Variants in ADGRL2 observed in about 807,000 individuals in gnomAD.
ADGRL2 encodes the protein adhesion G protein-coupled receptor L2, also known as calcium-independent alpha-latrotoxin receptor 2.
ADGRL2 carries 44 observed loss-of-function variants against 157.4 expected under a neutral mutation model. The ratio of observed to expected loss-of-function variants is 0.28; its 90% CI spans 0.22 to 0.36. The LOEUF (loss-of-function observed/expected upper bound fraction) is 0.36, where lower values mean the gene tolerates loss of function less well. ADGRL2 is among the 10% of genes least tolerant of loss of function. The pLI, the probability that ADGRL2 is intolerant of heterozygous loss-of-function variation, is 1.00. For missense variants in ADGRL2, 1,510 were observed against 1,768.9 expected, an observed-to-expected ratio of 0.85 and a Z score of 2.63; for synonymous variants, 585 against 624.7, an observed-to-expected ratio of 0.94 and a Z score of 0.95.
chr1:81,883,046 T>C (rs1472794362), intron 2 of ADGRL2, among the ~76,000 whole-genome samples: 1 of 152,204 alleles, frequency 6.6e-6, no homozygotes, highest in Non-Finnish European at 1.5e-5. Flanking sequence ...CTGTTTACTC[T>C]TATTTAGAAT....
intron 3 of ADGRL2, among the ~76,000 whole-genome samples, chr1:81,601,322 T>A (rs568919549): frequency 6.6e-6 from 1 of 152,142 alleles, no homozygotes; most frequent in African/African-American, 2.4e-5. Flanking sequence ...TGCTGAAGTG[T>A]TTCTTCTACA....
chr1:81,970,154 T>C (rs972158850), intron 15 of ADGRL2, among the ~76,000 whole-genome samples, 160 bp from the exon 16 acceptor site: 5 of 152,182 alleles, frequency 3.3e-5, no homozygotes, highest in African/African-American at 1.2e-4. Flanking sequence ...TTAGCTTGTT[T>C]CCAGTTACGA....
chr1:81,643,640 G>C (rs1258445493), intron 3 of ADGRL2, among the ~76,000 whole-genome samples: 2 of 152,072 alleles, frequency 1.3e-5, no homozygotes, highest in Non-Finnish European at 2.9e-5. Flanking sequence ...GAACTCAATA[G>C]CATTTGTGTT....
chr1:81,410,313 G>A (rs546988420), intron 1 of ADGRL2, among the ~76,000 whole-genome samples: 82 of 152,252 alleles, frequency 5.4e-4, no homozygotes, highest in African/African-American at 1.7e-3. Context: ...TTGAATTTAG[G>A]TTCTTCTTTA....
intron 2 of ADGRL2, among the ~76,000 whole-genome samples, chr1:81,789,222 G>A (rs1297485223): frequency 2.0e-5 from 3 of 152,154 alleles, no homozygotes; most frequent in Non-Finnish European, 4.4e-5. Context: ...AGTTTAGAGA[G>A]ATTCTAAGGA....
At chr1:81,846,217 G>T (rs1297574280) in intron 2 of ADGRL2, among the ~76,000 whole-genome samples, 1 of 151,464 alleles carries the variant, frequency 6.6e-6, no homozygotes, top group Non-Finnish European at 1.5e-5. Context: ...AAAAGAAAAA[G>T]AATAGAAGTA....
intron 2 of ADGRL2, among the ~76,000 whole-genome samples, chr1:81,473,593 G>A (rs908170870): frequency 6.6e-6 from 1 of 152,102 alleles, no homozygotes; most frequent in Admixed American, 6.5e-5. Flanking sequence ...TATTTCTACT[G>A]AACTGCACCA....
intron 1 of ADGRL2, among the ~76,000 whole-genome samples, chr1:81,748,780 G>A (rs1358955735): frequency 6.6e-6 from 1 of 151,810 alleles, no homozygotes; most frequent in East Asian, 2.0e-4. Flanking sequence ...CGATTTTCCT[G>A]CCTTAGCCTC....
intron 1 of ADGRL2, among the ~76,000 whole-genome samples, chr1:81,830,986 A>G (rs2091904909): frequency 6.6e-6 from 1 of 152,090 alleles, no homozygotes; most frequent in Non-Finnish European, 1.5e-5. Context: ...TGATTCGGGG[A>G]ATGGCCAGTA....
At chr1:81,822,253 AAAATCACTGT>A (rs1293780128) in intron 1 of ADGRL2, among the ~76,000 whole-genome samples, 3 of 151,880 alleles carry the variant, frequency 2.0e-5, no homozygotes, top group African/African-American at 7.2e-5. Flanking sequence ...CTATCAGAAA[AAAATCACTGT>A]TAAGAGGATA....
At chr1:81,584,069 C>G (rs898526150) in intron 3 of ADGRL2, among the ~76,000 whole-genome samples, 3 of 152,108 alleles carry the variant, frequency 2.0e-5, no homozygotes, top group African/African-American at 7.2e-5. Context: ...CTTATGTATA[C>G]TTTGACCTAA....
intron 1 of ADGRL2, among the ~76,000 whole-genome samples, chr1:81,379,706 C>A (rs72713445): frequency 0.017 from 2,554 of 152,286 alleles, 38 homozygotes; most frequent in Non-Finnish European, 0.023. Context: ...CTCCCCTCAA[C>A]ATCCTCTCCA....
At chr1:81,942,796 C>T (rs1572263481) in intron 5 of ADGRL2, 173 bp from the exon 6 acceptor site, 1 of 679,278 alleles carries the variant, frequency 1.5e-6, no homozygotes. Context: ...CCCTGATACA[C>T]TGATTATGCT....
intron 2 of ADGRL2, among the ~76,000 whole-genome samples, chr1:81,891,167 G>A (rs1475936276): frequency 1.3e-5 from 2 of 151,038 alleles, no homozygotes; most frequent in African/African-American, 4.9e-5. Context: ...TATTATTATA[G>A]TATTATTTCT....
At chr1:81,720,184 CTTTTTTTTTTTTT>C (rs112579932) in intron 1 of ADGRL2, among the ~76,000 whole-genome samples, 1 of 122,058 alleles carries the variant, frequency 8.2e-6, no homozygotes, top group Non-Finnish European at 1.8e-5. Context: ...TTTTTCTTTT[CTTTTTTTTTTTTT>C]TTTGAGACGT....
intron 2 of ADGRL2, among the ~76,000 whole-genome samples, chr1:81,561,298 G>A (rs1349090129): frequency 1.3e-5 from 2 of 151,972 alleles, no homozygotes; most frequent in Non-Finnish European, 2.9e-5. Context: ...TTTGTTCACC[G>A]ATATAACTCC....
chr1:81,622,435 G>A (rs980120075), intron 3 of ADGRL2, among the ~76,000 whole-genome samples: 3 of 152,090 alleles, frequency 2.0e-5, no homozygotes, highest in African/African-American at 7.2e-5. Context: ...ACAAAAATTA[G>A]CTGGGCGTGG....
intron 2 of ADGRL2, among the ~76,000 whole-genome samples, chr1:81,778,439 T>C (rs1055702946): frequency 6.6e-6 from 1 of 150,970 alleles, no homozygotes; most frequent in African/African-American, 2.5e-5. Context: ...GTATATCTAT[T>C]GTTCTGATAT....
chr1:81,758,424 G>A lies in ADGRL2; in HGVS notation c.-142-3387G>A, dbSNP rs531329428. On this transcript the variant is annotated intron_variant, in intron 1 of 20. Coordinates refer to the ADGRL2 transcript ENST00000359929. ...TCTTGAATGAATGCCAATTAGGGCCGATTTATATGTCTCCTTGGAGGTTTT... is the reference window on the plus strand; with the variant it reads ...TCTTGAATGAATGCCAATTAGGGCCAATTTATATGTCTCCTTGGAGGTTTT... 2.7e-3 allele frequency among the ~76,000 whole-genome samples: 417 copies of A among 152,232 alleles called. 5 individuals carry two copies. Among genetic ancestry groups the A allele is most frequent in the Non-Finnish European group, 3.0e-3 (203 of 68,026 alleles).
Sources: allele counts gnomAD v4.1 joint callset (sites outside exome capture counted in the v4.1 genomes callset), GRCh38; gene constraint gnomAD v4.1.1; transcripts MANE v1.5; gene names NCBI Gene and HGNC (gene_info 2026-07-23, HGNC 2026-07-21).